Variants in KEL observed in about 807,000 individuals in gnomAD.
KEL encodes the protein kell blood group glycoprotein.
KEL carries 96 observed loss-of-function variants against 99.5 expected under a neutral mutation model. That is an observed-to-expected ratio of 0.97 (90% CI 0.82 to 1.14). KEL has a LOEUF of 1.14. Among genes scored for constraint, KEL ranks in the 50% most tolerant of loss-of-function variants. The pLI is 0.00. For synonymous variants in KEL, 355 were observed against 354.8 expected, an observed-to-expected ratio of 1.00 and a Z score of -0.01; for missense variants, 926 against 924.2, an observed-to-expected ratio of 1.00 and a Z score of -0.03.
intron 3 of KEL, 32 bp downstream of exon 3, chr7:142,961,328 G>A: frequency 4.3e-6 from 7 of 1,612,572 alleles, no homozygotes; most frequent in Non-Finnish European, 5.9e-6. Flanking sequence ...GGGGAGGGCT[G>A]ACTAGGTTAG....
chr7:142,947,565 T>C (rs1017403156), intron 10 of KEL, among the ~76,000 whole-genome samples: 3 of 152,224 alleles, frequency 2.0e-5, no homozygotes, highest in Non-Finnish European at 4.4e-5. Context: ...TTTATTTTTA[T>C]TTTGTAACAG....
intron 4 of KEL, 89 bp from the exon 5 acceptor site, chr7:142,958,517 C>A: frequency 8.0e-7 from 1 of 1,251,696 alleles, no homozygotes; most frequent in Non-Finnish European, 1.1e-6. Flanking sequence ...GGAGTCATGC[C>A]CTATATCATA....
In KEL at chr7:142,943,277, G is replaced by A; in HGVS notation, c.1770C>T (p.Leu590=). The change falls in exon 16 of 19, where the codon CTC becomes CTT. Residue 590 remains leucine (L), a splice_region_variant and synonymous_variant. Transcript: ENST00000355265. ...CTCCCAGTGGCCCCTGTTACCCACA[G>A]AGCTGGTAGAAGATGTGCAACAGCT... The part of the protein sequence containing the change: ...AHELLHIFYQ[L]LLPGGCLACD... 1 of 1,613,802 alleles carries A rather than the reference G, an allele frequency of 6.2e-7. No homozygotes were observed. Among genetic ancestry groups the A allele is most frequent in the Middle Eastern group, 1.7e-4 (1 of 6,060 alleles).
rs941927367 is a variant in KEL, at chr7:142,941,176, C to A, written c.*76G>T. On this transcript the variant is annotated 3_prime_UTR_variant, in exon 19 of 19. Coordinates refer to ENST00000355265, the MANE Select transcript of KEL (RefSeq NM_000420.3). The stretch of plus-strand genomic sequence containing the variant: ...TTTGGAACAGAAGCAGAAAGGAAAT[C>A]TTGCTCTGATTCCATGGATGTGACC... 1.5e-5 allele frequency: 22 copies of A among 1,510,344 alleles called. No homozygotes were observed. In the African/African-American group the frequency reaches 2.9e-4, roughly 20 times the overall value. The allele number at this position is 1,510,344 out of a possible 1,614,324, so 93.6% of individuals were successfully genotyped here.
In KEL at chr7:142,954,198, T is replaced by C. The variant is rs749247223; in HGVS notation, c.910A>G (p.Ile304Val). The change falls in exon 8 of 19, where the codon ATC (isoleucine) becomes GTC (valine). Residue 304 changes from isoleucine (I) to valine (V), a missense_variant. Coordinates refer to ENST00000355265, the MANE Select transcript of KEL (RefSeq NM_000420.3). Reference sequence around the variant, plus strand: ...GTTCCAGGCACCTTGAGCTGGTCGATAGTGACCATCTGGAAGAGCTTGCCC... The same window carrying C: ...GTTCCAGGCACCTTGAGCTGGTCGACAGTGACCATCTGGAAGAGCTTGCCC... Reference protein sequence around the residue: ...AQGKLFQMVTIDQLKEMAPAI... With the variant: ...AQGKLFQMVTVDQLKEMAPAI... 11 of 1,610,868 alleles carry C rather than the reference T, an allele frequency of 6.8e-6. No individual in the cohort carries two copies. The East Asian group carries it at 1.6e-4, about 23-fold the overall frequency.
chr7:142,959,142 C>T (rs140962658), intron 4 of KEL, among the ~76,000 whole-genome samples: 72 of 152,286 alleles, frequency 4.7e-4, no homozygotes, highest in Admixed American at 8.5e-4. Context: ...TCATATTTGG[C>T]TCAAAATAAA....
intron 10 of KEL, chr7:142,946,613 G>A (rs1796537635): frequency 2.2e-6 from 1 of 458,308 alleles, no homozygotes; most frequent in Non-Finnish European, 3.9e-6. Context: ...AGCCTCCTGG[G>A]AAGAAGATGA....
chr7:142,942,328 T>G (rs1429301848), intron 18 of KEL, 106 bp downstream of exon 18: 3 of 760,936 alleles, frequency 3.9e-6, no homozygotes, highest in Non-Finnish European at 7.0e-6. Flanking sequence ...AGAAGAGGGT[T>G]TGGGGTATTT....
Position 142,958,290 on chromosome 7 carries a change from C to T in KEL, c.525+14G>A, listed in dbSNP as rs770744531. 2.2e-5 allele frequency: 36 copies of T among 1,613,890 alleles called. No individual in the cohort carries two copies. In the African/African-American group the frequency reaches 3.6e-4, roughly 16 times the overall value. The stretch of plus-strand genomic sequence containing the variant: ...TTATGTATCCAGAAAAGTTAATATC[C>T]CAACTTTTCTCACCTCCTCAATAAC... On this transcript the variant is annotated intron_variant, in intron 5 of 18. Coordinates refer to ENST00000355265, the MANE Select transcript of KEL (RefSeq NM_000420.3).
intron 1 of KEL, 93 bp from the exon 2 acceptor site, chr7:142,961,965 C>T: frequency 1.9e-6 from 3 of 1,602,272 alleles, no homozygotes; most frequent in Admixed American, 3.3e-5. Context: ...GATACCCTCG[C>T]TGCCTGCCCT....
intron 18 of KEL, 59 bp from the exon 19 acceptor site, chr7:142,941,472 G>A: frequency 6.7e-7 from 1 of 1,486,490 alleles, no homozygotes; most frequent in Non-Finnish European, 9.0e-7. Context: ...CTGACCCGGT[G>A]ACAAGGGGTG....
chr7:142,961,483 G>C lies in KEL; in HGVS notation c.100C>G (p.Leu34Val). The C allele has an allele frequency of 6.2e-7, 1 of 1,602,818 alleles. No individual in the cohort carries two copies. The highest frequency in any genetic ancestry group is 8.5e-7 in the Non-Finnish European group (1 of 1,174,334). The change falls in exon 3 of 19, where the codon CTG (leucine) becomes GTG (valine). Residue 34 changes from leucine (L) to valine (V), a missense_variant. Physicochemically the swap from Leu to Val is conservative, Grantham distance 32. Transcript: ENST00000355265. Reference protein sequence around the residue: ...WSQESTPEERLPVEGSRPWAV... With the variant: ...WSQESTPEERVPVEGSRPWAV... ...CATGGCCTGCTCCCTTCCACGGGCA[G>C]CCTCTCTTCTGGAGTGCTCTGTGGG...
chr7:142,953,783 C>G (rs1796749621), intron 9 of KEL, 25 bp downstream of exon 9: 1 of 1,613,556 alleles, frequency 6.2e-7, no homozygotes, highest in Non-Finnish European at 8.5e-7. Flanking sequence ...TTTCCATGAT[C>G]TCCCCAATCC....
At position 142,952,747 on chromosome 7, in the gene KEL, T is replaced by A; in HGVS notation, c.1074-109A>T. On this transcript the variant is annotated intron_variant, in intron 9 of 18. Transcript: ENST00000355265. ...TGATACTCGTGAAGGCAGCTCCTTC[T>A]CCTCTGTATTAATAAGTGTTTTAAC... 5 of 1,248,680 alleles carry A rather than the reference T, an allele frequency of 4.0e-6. No individual in the cohort carries two copies. In the South Asian group the frequency reaches 6.3e-5, roughly 16 times the overall value. 77.4% of individuals were successfully genotyped at this position (1,248,680 alleles called of 1,614,324 possible). A position where few individuals can be genotyped will look rare whatever the true frequency, so the allele number is the denominator to read the frequency against.
At chr7:142,942,072 G>C (rs1474579928) in intron 18 of KEL, 2 of 298,116 alleles carry the variant, frequency 6.7e-6, no homozygotes, top group Non-Finnish European at 6.3e-6. Context: ...GCCTCCTAGA[G>C]TGCCAGGATT....
chr7:142,951,663 T>G (rs1267508263), intron 10 of KEL, among the ~76,000 whole-genome samples: 7 of 152,232 alleles, frequency 4.6e-5, no homozygotes, highest in African/African-American at 1.7e-4. Flanking sequence ...TCAGAGTGTC[T>G]AGCACACCAT....
chr7:142,960,860 C>A, intron 4 of KEL, 68 bp downstream of exon 4: 2 of 1,442,400 alleles, frequency 1.4e-6, no homozygotes, highest in African/African-American at 1.4e-5. Context: ...GGGTTTGGAG[C>A]AGTCATGGTC....
At position 142,952,597 on chromosome 7, in the gene KEL, G is replaced by T. The variant is rs369796448; in HGVS notation, c.1115C>A (p.Thr372Asn). 6.8e-6 allele frequency: 11 copies of T among 1,613,954 alleles called. No homozygotes were observed. The African/African-American group carries it at 1.2e-4, about 18-fold the overall frequency. The change falls in exon 10 of 19, where the codon ACC becomes AAC. Residue 372 changes from threonine to asparagine, a missense_variant. Coordinates refer to ENST00000355265, the MANE Select transcript of KEL (RefSeq NM_000420.3). ...QSHMILGLVV[T>N]LSPALDSQFQ... ...TTGACTGTCCAGGGCTGGAGAAAGG[G>T]TCACCACCAGCCCTAAGATCATGTG...
At chr7:142,945,871 G>A (rs577481251) in intron 11 of KEL, among the ~76,000 whole-genome samples, 6 of 152,190 alleles carry the variant, frequency 3.9e-5, no homozygotes, top group Non-Finnish European at 5.9e-5. Context: ...CAGGTGATCC[G>A]CCCACCTCAG....
Sources: allele counts gnomAD v4.1 joint callset (sites outside exome capture counted in the v4.1 genomes callset), GRCh38; gene constraint gnomAD v4.1.1; transcripts MANE v1.5; gene names NCBI Gene and HGNC (gene_info 2026-07-23, HGNC 2026-07-21).